Variants in MAP3K5 observed in about 807,000 individuals in gnomAD.
MAP3K5 encodes the protein mitogen-activated protein kinase kinase kinase 5.
A neutral mutation model predicts 158.7 loss-of-function variants in MAP3K5; 56 were observed. That is an observed-to-expected ratio of 0.35 (90% confidence interval 0.28 to 0.44). The LOEUF is 0.44. MAP3K5 is among the 20% of genes least tolerant of loss of function. The pLI is 1.00. For synonymous variants in MAP3K5, 579 were observed against 601.7 expected (o/e 0.96, Z 0.55); for missense variants, 1,294 against 1,674.8 (o/e 0.77, Z 3.97).
At chr6:136,673,678 A>G (rs1168228386) in intron 7 of MAP3K5, among the ~76,000 whole-genome samples, 1 of 151,564 alleles carries the variant, frequency 6.6e-6, no homozygotes, top group Non-Finnish European at 1.5e-5. Context: ...ATGCATGTCA[A>G]TAGAAGGTAT....
At chr6:136,791,626 C>T (rs1785080768) in intron 1 of MAP3K5, 84 bp downstream of exon 1, 3 of 1,465,932 alleles carry the variant, frequency 2.0e-6, no homozygotes, top group Non-Finnish European at 1.9e-6. Flanking sequence ...ATGCTTCCCG[C>T]CCAGAAAAAT....
intron 7 of MAP3K5, among the ~76,000 whole-genome samples, chr6:136,680,944 A>G (rs747557972): frequency 1.2e-4 from 19 of 152,280 alleles, no homozygotes; most frequent in Non-Finnish European, 2.5e-4. Flanking sequence ...AGAACAGTAA[A>G]GATTTAGGAG....
intron 15 of MAP3K5, among the ~76,000 whole-genome samples, chr6:136,621,310 C>T (rs541055007): frequency 2.0e-5 from 3 of 152,118 alleles, no homozygotes; most frequent in African/African-American, 7.2e-5. Context: ...TCTGAGCTTA[C>T]ATTACCATCT....
chr6:136,609,795 A>G lies in MAP3K5; in HGVS notation c.2521+1487T>C, dbSNP rs560554628. On this transcript the variant is annotated intron_variant, in intron 18 of 29. Coordinates refer to ENST00000359015, the MANE Select transcript of MAP3K5 (RefSeq NM_005923.4). The surrounding 1 kb of genome is among the most constrained non-coding windows in gnomAD (Gnocchi z 4.4). Reference sequence around the variant, plus strand: ...GGGTTACAGAGCGAGAACCCATCTCAAAAGAAAAAACAAAAACAAAAAAAC... The same window carrying G: ...GGGTTACAGAGCGAGAACCCATCTCGAAAGAAAAAACAAAAACAAAAAAAC... Among the ~76,000 whole-genome samples the G allele has an allele frequency of 6.6e-6, 1 of 151,698 alleles. No homozygotes were observed. Among genetic ancestry groups the G allele is most frequent in the African/African-American group, 2.4e-5 (1 of 41,328 alleles).
rs11968930 is a variant in MAP3K5 at position 136,754,061 on chromosome 6, C to G, written c.449-33472G>C. Among the ~76,000 whole-genome samples, 195 of 151,464 alleles carry G rather than the reference C, an allele frequency of 1.3e-3. 1 individual carries two copies. The highest frequency in any genetic ancestry group is 4.4e-3 in the African/African-American group (182 of 41,246). ...GGCTGACACAGAGAATCGCTTGAGT[C>G]CAGGAGTTCAACACCAGTCTGGGCA... On this transcript the variant is annotated intron_variant, in intron 1 of 29. Coordinates refer to ENST00000359015, the MANE Select transcript of MAP3K5 (RefSeq NM_005923.4).
chr6:136,682,577 CT>C (rs2114600686), intron 7 of MAP3K5, among the ~76,000 whole-genome samples: 1 of 152,332 alleles, frequency 6.6e-6, no homozygotes, highest in South Asian at 2.1e-4. Flanking sequence ...GCCAGGCTCG[CT>C]GTTCTTCCCC....
intron 21 of MAP3K5, among the ~76,000 whole-genome samples, chr6:136,599,987 A>G (rs139380129): frequency 3.3e-4 from 50 of 152,196 alleles, no homozygotes; most frequent in Non-Finnish European, 5.6e-4. Flanking sequence ...AAGAAATGGA[A>G]GAAGAAAAAG....
At chr6:136,564,607 G>T (rs1463552637) in intron 26 of MAP3K5, among the ~76,000 whole-genome samples, 1 of 152,170 alleles carries the variant, frequency 6.6e-6, no homozygotes, top group African/African-American at 2.4e-5. Context: ...GACAGTGATG[G>T]TATCTTCTTA....
rs370712711 is a variant in MAP3K5 at position 136,659,170 on chromosome 6, A to G, written c.1526+49T>C. 3 of 1,454,826 alleles carry G rather than the reference A, an allele frequency of 2.1e-6. No homozygotes were observed. In the African/African-American group the frequency reaches 4.2e-5, roughly 20 times the overall value. 90.1% of individuals were successfully genotyped at this position (1,454,826 alleles called of 1,614,324 possible). A position where few individuals can be genotyped will look rare whatever the true frequency, so the allele number is the denominator to read the frequency against. On this transcript the variant is annotated intron_variant, in intron 9 of 29. Coordinates refer to ENST00000359015, the MANE Select transcript of MAP3K5 (RefSeq NM_005923.4). ...GTTCAATAAATATAATATGGGAACA[A>G]TATGGAGCTGTTTATTAATTGTATC...
At chr6:136,607,199 C>T (rs1056881533) in intron 18 of MAP3K5, among the ~76,000 whole-genome samples, 9 of 152,178 alleles carry the variant, frequency 5.9e-5, no homozygotes, top group African/African-American at 2.2e-4. Flanking sequence ...CTACCACCCC[C>T]TTTTGTTGTC....
At chr6:136,726,975 T>C (rs1187288990) in intron 1 of MAP3K5, among the ~76,000 whole-genome samples, 4 of 152,200 alleles carry the variant, frequency 2.6e-5, no homozygotes, top group African/African-American at 9.7e-5. Flanking sequence ...TGTTTTTTGT[T>C]TGTTTTTGCC....
chr6:136,741,942 C>T (rs959601003), intron 1 of MAP3K5, among the ~76,000 whole-genome samples: 22 of 151,982 alleles, frequency 1.4e-4, no homozygotes, highest in Non-Finnish European at 2.2e-4. Flanking sequence ...TCACCAAATA[C>T]GGATAAAAAC....
intron 5 of MAP3K5, among the ~76,000 whole-genome samples, chr6:136,696,497 T>C (rs1395165348): frequency 6.6e-6 from 1 of 152,196 alleles, no homozygotes; most frequent in African/African-American, 2.4e-5. Flanking sequence ...GTAAGCACTC[T>C]AGCCACAGGA....
intron 1 of MAP3K5, among the ~76,000 whole-genome samples, chr6:136,726,967 T>C (rs1781996148): frequency 6.6e-6 from 1 of 152,178 alleles, no homozygotes; most frequent in Non-Finnish European, 1.5e-5. Flanking sequence ...ATGCCTTTTG[T>C]TTTTTGTTTG....
intron 11 of MAP3K5, among the ~76,000 whole-genome samples, chr6:136,646,592 G>T (rs977637625): frequency 6.6e-5 from 10 of 152,080 alleles, no homozygotes; most frequent in African/African-American, 2.4e-4. Context: ...GCCTCACTCT[G>T]TTTCCAAGTG....
rs1776459008 is a variant in MAP3K5, at chr6:136,614,091, C to T, written c.2278+68G>A. 5.2e-6 allele frequency: 8 copies of T among 1,542,382 alleles called. No individual in the cohort carries two copies. The South Asian group carries it at 6.0e-5, about 11-fold the overall frequency. ...ATTAAGACCTGTACGCTAGTAAATC[C>T]CATTCAATTTTACTCCCCTCCGAAG... is the stretch of plus-strand genomic sequence containing the variant. On this transcript the variant is annotated intron_variant, in intron 16 of 29. Transcript: ENST00000359015.
rs1780714718 is a variant in MAP3K5, at chr6:136,698,691, A to G, written c.613-9T>C. Reference sequence around the variant, plus strand: ...TAGTTCCCAGTGCACATCTGCGGAGAGAGGAGGCATCGGCAAGTGGGGAGC... The same window carrying G: ...TAGTTCCCAGTGCACATCTGCGGAGGGAGGAGGCATCGGCAAGTGGGGAGC... On this transcript the variant is annotated splice_polypyrimidine_tract_variant and intron_variant, in intron 3 of 29. Coordinates refer to ENST00000359015, the MANE Select transcript of MAP3K5 (RefSeq NM_005923.4). 6.2e-7 allele frequency: 1 copy of G among 1,601,336 alleles called. No homozygotes were observed.
intron 8 of MAP3K5, among the ~76,000 whole-genome samples, chr6:136,661,572 T>C (rs959115612): frequency 2.6e-5 from 4 of 152,122 alleles, no homozygotes; most frequent in Non-Finnish European, 5.9e-5. Context: ...AATTTTGTTT[T>C]TTTTTCCTGG....
At chr6:136,616,886 G>A (rs1418698260) in intron 15 of MAP3K5, among the ~76,000 whole-genome samples, 1 of 151,414 alleles carries the variant, frequency 6.6e-6, no homozygotes. Context: ...GCACCACCAT[G>A]CCCAGCTAAT....
Sources: allele counts gnomAD v4.1 joint callset (sites outside exome capture counted in the v4.1 genomes callset), GRCh38; gene constraint gnomAD v4.1.1; non-coding constraint Gnocchi (gnomAD v3.1); transcripts MANE v1.5; gene names NCBI Gene and HGNC (gene_info 2026-07-23, HGNC 2026-07-21).